Variants in CHD1L observed in about 807,000 individuals in gnomAD.
CHD1L encodes the protein ATP-dependent chromatin remodeler CHD1L.
CHD1L carries 118 observed loss-of-function variants against 115.9 expected under a neutral mutation model. That is an observed-to-expected ratio of 1.02 (90% CI 0.88 to 1.19). The LOEUF (loss-of-function observed/expected upper bound fraction) is 1.19. Ranked by LOEUF, CHD1L falls within the 50% of genes most tolerant of loss-of-function variation. The pLI, the probability that CHD1L is intolerant of heterozygous loss-of-function variation, is 0.00. For synonymous variants in CHD1L, 411 were observed against 387.1 expected, an observed-to-expected ratio of 1.06 and a Z score of -0.72; for missense variants, 1,179 against 1,065.3, an observed-to-expected ratio of 1.11 and a Z score of -1.49.
At chr1:147,186,862 G>A in the CHD1L span, 1 of 1,577,872 alleles carries the variant, frequency 6.3e-7, no homozygotes, top group South Asian at 1.2e-5. Flanking sequence ...CTGTAGATAA[G>A]CTTCCCAATG....
intron 1 of CHD1L, among the ~76,000 whole-genome samples, chr1:147,248,997 T>C (rs1218781612): frequency 6.6e-6 from 1 of 152,244 alleles, no homozygotes; most frequent in Non-Finnish European, 1.5e-5. Context: ...AAGGAAAACC[T>C]ATTGTATTTA....
chr1:147,294,985 T>C (rs1553975467), intron 22 of CHD1L, among the ~76,000 whole-genome samples: 1 of 152,244 alleles, frequency 6.6e-6, no homozygotes, highest in South Asian at 2.1e-4. Context: ...CATGAAGTCA[T>C]GATCTACTTT....
rs1332437396 is a variant in CHD1L, at chr1:147,291,468, C to A, written c.2321-14C>A. 9 of 1,609,492 alleles carry A rather than the reference C, an allele frequency of 5.6e-6. No individual in the cohort carries two copies. Among genetic ancestry groups the A allele is most frequent in the Non-Finnish European group, 7.7e-6 (9 of 1,175,920 alleles). Reference sequence around the variant, plus strand: ...TTGGTGTTCTTTATGTTGCTCCTTTCTGTTTTACCTCAGACCTGAGTTTGG... The same window carrying A: ...TTGGTGTTCTTTATGTTGCTCCTTTATGTTTTACCTCAGACCTGAGTTTGG... On this transcript the variant is annotated splice_polypyrimidine_tract_variant and intron_variant, in intron 19 of 22. Transcript: ENST00000369258.
intron 14 of CHD1L, among the ~76,000 whole-genome samples, chr1:147,278,328 A>G (rs145332313): frequency 0.084 from 12,105 of 144,220 alleles, 627 homozygotes; most frequent in East Asian, 0.17. Flanking sequence ...GGGTTCAAGC[A>G]ATTCTCCTGC....
At chr1:147,215,730 A>T in the CHD1L span, 3 of 1,542,600 alleles carry the variant, frequency 1.9e-6, no homozygotes, top group African/African-American at 2.8e-5. Flanking sequence ...CTTCAAACAC[A>T]AAGATACCCA....
At chr1:147,185,284 A>G in the CHD1L span, among the ~76,000 whole-genome samples, 1 of 152,156 alleles carries the variant, frequency 6.6e-6, no homozygotes, top group African/African-American at 2.4e-5. Context: ...GCTGATAACT[A>G]GGAATTATAT....
At chr1:147,247,489 A>T (rs587772116) in intron 1 of CHD1L, among the ~76,000 whole-genome samples, 1 of 152,194 alleles carries the variant, frequency 6.6e-6, no homozygotes, top group South Asian at 2.1e-4. Flanking sequence ...ATCTCTGTAC[A>T]TGCCACCCCC....
intron 1 of CHD1L, among the ~76,000 whole-genome samples, chr1:147,247,727 TGGG>T (rs1553934455): frequency 6.6e-6 from 1 of 152,204 alleles, no homozygotes; most frequent in African/African-American, 2.4e-5. Flanking sequence ...CTCCTGTCTT[TGGG>T]TATCAGCAGA....
At chr1:147,257,053 A>C (rs1670393608) in intron 5 of CHD1L, among the ~76,000 whole-genome samples, 1 of 152,182 alleles carries the variant, frequency 6.6e-6, no homozygotes, top group African/African-American at 2.4e-5. Flanking sequence ...CTAATTAGTT[A>C]ACCTCATATT....
the CHD1L span, chr1:147,201,302 CT>C: frequency 1.2e-6 from 2 of 1,614,192 alleles, no homozygotes; most frequent in Non-Finnish European, 1.7e-6. Context: ...TTTTTGACCA[CT>C]TTGACGGAAT....
intron 2 of CHD1L, 24 bp from the exon 3 acceptor site, chr1:147,254,846 T>C (rs782399880): frequency 1.0e-5 from 16 of 1,538,476 alleles, no homozygotes; most frequent in Non-Finnish European, 1.4e-5. Flanking sequence ...TGATCAAAAC[T>C]GCCTTTCTTT....
At chr1:147,217,738 G>A in the CHD1L span, among the ~76,000 whole-genome samples, 2 of 152,112 alleles carry the variant, frequency 1.3e-5, no homozygotes, top group Non-Finnish European at 2.9e-5. Context: ...TTCTCTCTAA[G>A]GTGTGGCTGG....
At chr1:147,209,045 G>A in the CHD1L span, 1 of 1,613,422 alleles carries the variant, frequency 6.2e-7, no homozygotes, top group Non-Finnish European at 8.5e-7. Context: ...CTGGTGCTGA[G>A]GAAAACCTGG....
In CHD1L at chr1:147,242,742, C is replaced by T. The variant is rs1890042; in HGVS notation, c.39C>T (p.Ala13=). The T allele has an allele frequency of 0.23, 290,741 of 1,261,030 alleles. 34,446 individuals are homozygous for T. The highest frequency in any genetic ancestry group is 0.26 in the South Asian group (6,702 of 25,654). 78.1% of individuals were successfully genotyped at this position (1,261,030 alleles called of 1,614,324 possible). A position where few individuals can be genotyped will look rare whatever the true frequency, so the allele number is the denominator to read the frequency against. ...GCGCTACTAGCCGCGGGGGCCAAGC[C>T]CCTGGCTTCTTACTGCGGCTTCATA... ...RAGATSRGGQ[A]PGFLLRLHTE... Residue 13 remains alanine, a synonymous_variant, in exon 1 of 23, where the codon GCC becomes GCT. Transcript: ENST00000369258.
intron 12 of CHD1L, among the ~76,000 whole-genome samples, chr1:147,273,028 C>T (rs906254714): frequency 1.3e-5 from 2 of 152,008 alleles, no homozygotes; most frequent in Non-Finnish European, 2.9e-5. Context: ...GGTGAAACCC[C>T]GTCTCTACTT....
At chr1:147,175,219 A>G in the CHD1L span, 2 of 152,338 alleles carry the variant, frequency 1.3e-5, no homozygotes, top group Middle Eastern at 3.4e-3. Flanking sequence ...GCAGCATACT[A>G]ATTCCCACTC....
the CHD1L span, among the ~76,000 whole-genome samples, chr1:147,206,885 TA>T: frequency 6.6e-6 from 1 of 151,930 alleles, no homozygotes; most frequent in South Asian, 2.1e-4. Context: ...TATACATATA[TA>T]ACAAACCTGC....
chr1:147,200,430 G>A, the CHD1L span, among the ~76,000 whole-genome samples: 1,917 of 151,966 alleles, frequency 0.013, 42 homozygotes, highest in African/African-American at 0.044. Context: ...CTTATTAAAC[G>A]CACTCCAGCT....
rs376783101 is a variant in CHD1L at position 147,280,037 on chromosome 1, A to G, written c.1551A>G (p.Ile517Met). The change falls in exon 15 of 23, where the codon ATA (isoleucine) becomes ATG (methionine). Residue 517 changes from isoleucine to methionine, a missense_variant. Physicochemically the swap from Ile to Met is conservative, Grantham distance 10 (BLOSUM62 1). Transcript: ENST00000369258. ...AADADLQLSE[I>M]LKFGLDKLLA... The stretch of plus-strand genomic sequence containing the variant: ...TTCCTCTATTCAAGTTGAGTGAGAT[A>G]CTCAAATTTGGTTTGGATAAACTGC... The G allele has an allele frequency of 3.2e-4, 520 of 1,613,908 alleles. 7 individuals are homozygous for G. The South Asian group carries it at 5.3e-3, about 16-fold the overall frequency.
Sources: gnomAD v4.1 joint callset for allele counts (sites outside exome capture counted in the v4.1 genomes callset) on GRCh38, gnomAD v4.1.1 for gene constraint, MANE v1.5 for transcripts, NCBI Gene and HGNC (gene_info 2026-07-23, HGNC 2026-07-21) for gene names.